CSRNP3: variants seen among roughly 807,000 people sequenced by gnomAD.
CSRNP3 encodes cysteine and serine rich nuclear protein 3.
In CSRNP3, 12 loss-of-function variants were observed where a neutral mutation model predicts 48.0. That is an observed-to-expected ratio of 0.25 (90% confidence interval 0.16 to 0.41). The LOEUF (loss-of-function observed/expected upper bound fraction) is 0.41. Among genes scored for constraint, CSRNP3 ranks in the 10% least tolerant of loss-of-function variants. CSRNP3 has a pLI of 1.00. For synonymous variants in CSRNP3, 263 were observed against 269.7 expected, an observed-to-expected ratio of 0.98 and a Z score of 0.24; for missense variants, 580 against 724.4, an observed-to-expected ratio of 0.80 and a Z score of 2.29.
intron 3 of CSRNP3, among the ~76,000 whole-genome samples, chr2:165,543,950 C>T (rs1037910380): frequency 5.3e-5 from 8 of 151,174 alleles, no homozygotes; most frequent in African/African-American, 1.2e-4. Flanking sequence ...TTTCTAGTGA[C>T]GAGAGATAGA....
At chr2:165,665,627 G>A (rs1277256974) in intron 5 of CSRNP3, among the ~76,000 whole-genome samples, 1 of 151,988 alleles carries the variant, frequency 6.6e-6, no homozygotes, top group Non-Finnish European at 1.5e-5. Flanking sequence ...CTGGGCAGTT[G>A]CATGTGCCTG....
intron 3 of CSRNP3, among the ~76,000 whole-genome samples, chr2:165,587,033 G>A (rs1685644021): frequency 6.6e-6 from 1 of 152,138 alleles, no homozygotes; most frequent in Non-Finnish European, 1.5e-5. Flanking sequence ...AGAAAATCTA[G>A]TGTTGTTTCT....
At position 165,682,083 on chromosome 2, in the gene CSRNP3, G is replaced by A. The variant is rs1687557492; in HGVS notation, c.*2330G>A. The A allele has an allele frequency of 1.3e-5, 2 of 151,940 alleles. No individual in the cohort carries two copies. The highest frequency in any genetic ancestry group is 2.4e-5 in the African/African-American group (1 of 41,382). 9.4% of individuals were successfully genotyped at this position (151,940 alleles called of 1,614,324 possible). A position where few individuals can be genotyped will look rare whatever the true frequency, so the allele number is the denominator to read the frequency against. On this transcript the variant is annotated 3_prime_UTR_variant, in exon 7 of 7. Coordinates refer to ENST00000651982, the MANE Select transcript of CSRNP3 (RefSeq NM_001172173.2). Reference sequence around the variant, plus strand: ...ACACAGAGTGTGGGAGAGTGGGGAAGAGCCAGCTCCAGCCTGAGCAAAGCT... The same window carrying A: ...ACACAGAGTGTGGGAGAGTGGGGAAAAGCCAGCTCCAGCCTGAGCAAAGCT...
At chr2:165,505,705 ATTAT>A (rs1684416242) in intron 2 of CSRNP3, among the ~76,000 whole-genome samples, 1 of 152,132 alleles carries the variant, frequency 6.6e-6, no homozygotes, top group African/African-American at 2.4e-5. Flanking sequence ...TTTAATTTAA[ATTAT>A]TTATTTAAGA....
chr2:165,670,101 T>C (rs893797499), intron 5 of CSRNP3, among the ~76,000 whole-genome samples: 2 of 152,186 alleles, frequency 1.3e-5, no homozygotes, highest in Middle Eastern at 3.2e-3. Flanking sequence ...AATTTATAGG[T>C]CAATGACTGT....
chr2:165,679,684 C>G lies in CSRNP3; in HGVS notation c.1689C>G (p.Ser563Arg), dbSNP rs765827808. ...ISEHPAENSLSLAEKSILHEE... is the reference protein window; with the variant it reads ...ISEHPAENSLRLAEKSILHEE... ...AGCATCCTGCTGAAAATTCTTTGAGCCTTGCAGAAAAGAGCATATTGCATG... is the reference window on the plus strand; with the variant it reads ...AGCATCCTGCTGAAAATTCTTTGAGGCTTGCAGAAAAGAGCATATTGCATG... Residue 563 changes from serine to arginine, a missense_variant, in exon 7 of 7, where the codon AGC (serine) becomes AGG (arginine). Coordinates refer to ENST00000651982, the MANE Select transcript of CSRNP3 (RefSeq NM_001172173.2). 1 of 1,613,974 alleles carries G rather than the reference C, an allele frequency of 6.2e-7. No individual in the cohort carries two copies. The highest frequency in any genetic ancestry group is 8.5e-7 in the Non-Finnish European group (1 of 1,180,010).
chr2:165,518,614 T>C (rs1263573648), intron 3 of CSRNP3, among the ~76,000 whole-genome samples: 52 of 152,014 alleles, frequency 3.4e-4, no homozygotes, highest in Admixed American at 3.4e-3. Flanking sequence ...AAGTTATAAA[T>C]GTAGGTTAAA....
chr2:165,566,901 A>G (rs541644974), intron 3 of CSRNP3: 1 of 152,230 alleles, frequency 6.6e-6, no homozygotes, highest in East Asian at 1.9e-4. Context: ...GCATAAATCA[A>G]TAAATGAACC....
intron 4 of CSRNP3, among the ~76,000 whole-genome samples, chr2:165,654,923 G>A (rs992780033): frequency 5.9e-5 from 9 of 152,126 alleles, no homozygotes; most frequent in East Asian, 1.9e-4. Context: ...AGCCTCACCC[G>A]GAATCATCTG....
intron 4 of CSRNP3, among the ~76,000 whole-genome samples, chr2:165,641,938 A>G (rs951923959): frequency 6.6e-6 from 1 of 152,104 alleles, no homozygotes; most frequent in African/African-American, 2.4e-5. Context: ...AAACCTCTTT[A>G]TACCTTCCTT....
At chr2:165,492,244 A>G (rs1296919542) in intron 1 of CSRNP3, among the ~76,000 whole-genome samples, 1 of 152,150 alleles carries the variant, frequency 6.6e-6, no homozygotes, top group African/African-American at 2.4e-5. Context: ...TGAAATAGCA[A>G]GCTAATGAGT....
chr2:165,596,280 T>A (rs1400906246), intron 4 of CSRNP3, among the ~76,000 whole-genome samples: 6 of 152,082 alleles, frequency 3.9e-5, no homozygotes, highest in Non-Finnish European at 8.8e-5. Flanking sequence ...AGTTAAATAA[T>A]CTTTTTAAAA....
At chr2:165,478,433 G>T (rs73969255) in intron 1 of CSRNP3, among the ~76,000 whole-genome samples, 4 of 152,090 alleles carry the variant, frequency 2.6e-5, no homozygotes, top group African/African-American at 9.7e-5. Context: ...AAAGCAGCAC[G>T]TGTACATATG....
chr2:165,476,837 G>A (rs1349586690), intron 1 of CSRNP3, among the ~76,000 whole-genome samples: 1 of 152,214 alleles, frequency 6.6e-6, no homozygotes, highest in East Asian at 1.9e-4. Context: ...ACTTTTCAGT[G>A]CAGAATTTGG....
intron 1 of CSRNP3, among the ~76,000 whole-genome samples, chr2:165,488,808 G>T (rs1450498480): frequency 9.3e-6 from 1 of 107,008 alleles, no homozygotes; most frequent in Non-Finnish European, 1.9e-5. Flanking sequence ...TGTGTAGAGG[G>T]AAATTTATAG....
At chr2:165,544,537 A>C (rs1470144085) in intron 3 of CSRNP3, among the ~76,000 whole-genome samples, 1 of 147,738 alleles carries the variant, frequency 6.8e-6, no homozygotes, top group Non-Finnish European at 1.5e-5. Context: ...AAAGAGAAAA[A>C]ATGTAGGAGA....
At chr2:165,608,417 G>A (rs549021785) in intron 4 of CSRNP3, among the ~76,000 whole-genome samples, 1 of 152,058 alleles carries the variant, frequency 6.6e-6, no homozygotes, top group South Asian at 2.1e-4. Context: ...AACGGTTCAT[G>A]AACACAGAGG....
chr2:165,597,940 G>A (rs1685839519), intron 4 of CSRNP3, among the ~76,000 whole-genome samples: 1 of 152,096 alleles, frequency 6.6e-6, no homozygotes, highest in Admixed American at 6.5e-5. Flanking sequence ...CTAAGTGCTG[G>A]TGAAGGTTGC....
At chr2:165,594,334 A>C (rs1012697977) in intron 3 of CSRNP3, among the ~76,000 whole-genome samples, 3 of 152,228 alleles carry the variant, frequency 2.0e-5, no homozygotes, top group Non-Finnish European at 4.4e-5. Flanking sequence ...GTTCATGGTA[A>C]AATGGAGAAG....
Sources: gnomAD v4.1 joint callset for allele counts (sites outside exome capture counted in the v4.1 genomes callset) on GRCh38, gnomAD v4.1.1 for gene constraint, MANE v1.5 for transcripts, NCBI Gene and HGNC (gene_info 2026-07-23, HGNC 2026-07-21) for gene names.